KIF18A: variants seen among roughly 807,000 people sequenced by gnomAD.
The protein encoded by KIF18A is kinesin family member 18A, also known as kinesin-like protein KIF18A.
Under a neutral mutation model 103.3 loss-of-function variants are expected in KIF18A, and 67 were observed. That is an observed-to-expected ratio of 0.65 (90% CI 0.53 to 0.79). The LOEUF is 0.79. KIF18A is among the 30% of genes least tolerant of loss of function. The pLI, the probability that KIF18A is intolerant of heterozygous loss-of-function variation, is 0.00. For missense variants in KIF18A, 1,032 were observed against 1,062.5 expected (o/e 0.97, Z 0.40); for synonymous variants, 367 against 355.5 (o/e 1.03, Z -0.36).
At chr11:28,026,692 A>G (rs926192574) in intron 15 of KIF18A, among the ~76,000 whole-genome samples, 36 of 151,820 alleles carry the variant, frequency 2.4e-4, no homozygotes, top group African/African-American at 8.2e-4. Flanking sequence ...CTAAGTTCAT[A>G]TTTAAAAATT....
At chr11:28,069,046 T>A (rs768709331) in intron 11 of KIF18A, among the ~76,000 whole-genome samples, 1 of 152,162 alleles carries the variant, frequency 6.6e-6, no homozygotes, top group Non-Finnish European at 1.5e-5. Context: ...AATCCTCAAG[T>A]GCAGGTTGAA....
In KIF18A at chr11:28,041,705, G is replaced by T. The variant is rs550284561; in HGVS notation, c.1949-5041C>A. Among the ~76,000 whole-genome samples, 170 of 151,966 alleles carry T rather than the reference G, an allele frequency of 1.1e-3. 2 individuals are homozygous for T. Among genetic ancestry groups the T allele is most frequent in the Non-Finnish European group, 2.0e-3 (135 of 67,876 alleles). On this transcript the variant is annotated intron_variant, in intron 13 of 16. Coordinates refer to ENST00000263181, the MANE Select transcript of KIF18A (RefSeq NM_031217.4). ...AGAAAACAGAAAAATCGGTAACAAGGCTATTGCTATAGCTTAAGCAAGAAA... is the reference window on the plus strand; with the variant it reads ...AGAAAACAGAAAAATCGGTAACAAGTCTATTGCTATAGCTTAAGCAAGAAA...
intron 10 of KIF18A, among the ~76,000 whole-genome samples, chr11:28,070,644 A>G (rs1360284077): frequency 1.3e-5 from 2 of 152,232 alleles, no homozygotes; most frequent in Non-Finnish European, 2.9e-5. Context: ...AAAACAAAAC[A>G]AATGTCTCAA....
chr11:28,095,375 T>C (rs968211328), intron 2 of KIF18A, among the ~76,000 whole-genome samples: 1 of 152,238 alleles, frequency 6.6e-6, no homozygotes, highest in African/African-American at 2.4e-5. Flanking sequence ...CACCTGCTTC[T>C]AAATGCTCAG....
At chr11:28,072,855 A>G (rs960781605) in intron 10 of KIF18A, among the ~76,000 whole-genome samples, 12 of 152,098 alleles carry the variant, frequency 7.9e-5, no homozygotes, top group Non-Finnish European at 2.9e-5. Flanking sequence ...TCAAAATTCA[A>G]TGGAGGAATT....
At chr11:28,101,773 C>T (rs915389241) in intron 1 of KIF18A, among the ~76,000 whole-genome samples, 1 of 152,148 alleles carries the variant, frequency 6.6e-6, no homozygotes, top group African/African-American at 2.4e-5. Context: ...AAAAGGTTAA[C>T]AGTGCTTTAT....
intron 15 of KIF18A, among the ~76,000 whole-genome samples, chr11:28,026,695 T>G (rs1850326060): frequency 6.6e-6 from 1 of 151,804 alleles, no homozygotes; most frequent in South Asian, 2.1e-4. Context: ...AGTTCATATT[T>G]AAAAATTATT....
chr11:28,097,610 T>G lies in KIF18A; in HGVS notation c.325+13A>C, dbSNP rs1205357335. ...TCGGATAGAGAAATTAAATCCCAAA[T>G]TGAAACAAATACCTGTGCAATTATA... On this transcript the variant is annotated intron_variant, in intron 2 of 16. Transcript: ENST00000263181. 2 of 1,529,624 alleles carry G rather than the reference T, an allele frequency of 1.3e-6. No individual in the cohort carries two copies. The highest frequency in any genetic ancestry group is 2.7e-5 in the African/African-American group (2 of 73,114). The allele number at this position is 1,529,624 out of a possible 1,614,324, so 94.8% of individuals were successfully genotyped here.
chr11:28,099,191 TG>T (rs1392256354), intron 1 of KIF18A, among the ~76,000 whole-genome samples: 4 of 152,174 alleles, frequency 2.6e-5, no homozygotes, highest in Non-Finnish European at 5.9e-5. Context: ...TATGACGACA[TG>T]AATGAATCTA....
chr11:28,099,205 G>A (rs1160882863), intron 1 of KIF18A, among the ~76,000 whole-genome samples: 1 of 151,980 alleles, frequency 6.6e-6, no homozygotes, highest in African/African-American at 2.4e-5. Flanking sequence ...TGAATCTAGG[G>A]GGCATTATGC....
rs1425310322 is a variant in KIF18A at position 28,084,683 on chromosome 11, G to A, written c.1023C>T (p.Asp341=). The A allele has an allele frequency of 1.9e-6, 3 of 1,612,706 alleles. No individual in the cohort carries two copies. The highest frequency in any genetic ancestry group is 2.2e-5 in the East Asian group (1 of 44,834). The change falls in exon 7 of 17, where the codon GAC becomes GAT. Residue 341 remains aspartate (D), a synonymous_variant. Coordinates refer to ENST00000263181, the MANE Select transcript of KIF18A (RefSeq NM_031217.4). ...AVSPSSVFYD[D]TYNTLKYANR... ...TAGCATACTTAAGAGTGTTATATGT[G>A]TCATCGTAGAATACAGAGGAAGGAC... is the stretch of plus-strand genomic sequence containing the variant.
Position 28,069,373 on chromosome 11 carries a change from G to A in KIF18A, c.1476C>T (p.Ser492=), listed in dbSNP as rs139064079. The A allele has an allele frequency of 3.1e-6, 5 of 1,613,530 alleles. No homozygotes were observed. The African/African-American group carries it at 6.7e-5, about 22-fold the overall frequency. Residue 492 remains serine (S), a synonymous_variant, in exon 11 of 17, where the codon TCC becomes TCT. Coordinates refer to ENST00000263181, the MANE Select transcript of KIF18A (RefSeq NM_031217.4). ...CCTCCTCCCTCCTTTTCTCCAGGTA[G>A]GAGCGACGAGTTTTCAACATTGCAA... is the stretch of plus-strand genomic sequence containing the variant. ...HRLAMLKTRR[S]YLEKRREEEL...
chr11:28,068,891 C>A (rs1850972532), intron 11 of KIF18A, among the ~76,000 whole-genome samples: 1 of 152,086 alleles, frequency 6.6e-6, no homozygotes, highest in Non-Finnish European at 1.5e-5. Context: ...AAACCTTTTG[C>A]CATTCTAAGG....
At chr11:28,038,881 A>G (rs1850525855) in intron 13 of KIF18A, among the ~76,000 whole-genome samples, 1 of 151,778 alleles carries the variant, frequency 6.6e-6, no homozygotes, top group African/African-American at 2.4e-5. Context: ...CTAATGCTGC[A>G]GAGTAAAGAC....
At chr11:28,057,805 A>C (rs1186369100) in intron 13 of KIF18A, among the ~76,000 whole-genome samples, 1 of 152,176 alleles carries the variant, frequency 6.6e-6, no homozygotes, top group Non-Finnish European at 1.5e-5. Context: ...ATTATGGTAC[A>C]TCTATTCTCT....
chr11:28,080,452 T>C (rs1302952346), intron 9 of KIF18A, among the ~76,000 whole-genome samples: 6 of 151,810 alleles, frequency 4.0e-5, no homozygotes, highest in African/African-American at 1.5e-4. Flanking sequence ...CAGTGTCACA[T>C]TTTGGCAATT....
At chr11:28,046,241 G>T (rs948810701) in intron 13 of KIF18A, among the ~76,000 whole-genome samples, 4 of 151,316 alleles carry the variant, frequency 2.6e-5, no homozygotes, top group African/African-American at 9.7e-5. Context: ...AAAGACACAT[G>T]CACACGTATG....
In KIF18A at chr11:28,094,772, C is replaced by T. The variant is rs1851347747; in HGVS notation, c.354G>A (p.Gly118=). 6.2e-7 allele frequency: 1 copy of T among 1,614,010 alleles called. No individual in the cohort carries two copies. Among genetic ancestry groups the T allele is most frequent in the Middle Eastern group, 1.6e-4 (1 of 6,062 alleles). ...CTGATCCTAGCATAGTGTGGGTCTT[C>T]CCAGCACCAGTGGCACCATAGGCAA... ...TVLAYGATGA[G]KTHTMLGSAD... Residue 118 remains glycine, a synonymous_variant, in exon 3 of 17, where the codon GGG becomes GGA. Coordinates refer to ENST00000263181, the MANE Select transcript of KIF18A (RefSeq NM_031217.4).
intron 13 of KIF18A, among the ~76,000 whole-genome samples, chr11:28,043,482 T>C (rs1004269760): frequency 2.0e-5 from 3 of 152,068 alleles, no homozygotes; most frequent in East Asian, 1.9e-4. Context: ...CTAATCCAGA[T>C]GCCAAGTTCT....
Sources: gnomAD v4.1 joint callset for allele counts (sites outside exome capture counted in the v4.1 genomes callset) on GRCh38, gnomAD v4.1.1 for gene constraint, MANE v1.5 for transcripts, NCBI Gene and HGNC (gene_info 2026-07-23, HGNC 2026-07-21) for gene names.